The following DNAH11 variants were observed in gnomAD, a reference collection of about 807,000 sequenced individuals.
The protein encoded by DNAH11 is dynein axonemal heavy chain 11.
DNAH11 carries 442 observed loss-of-function variants against 526.0 expected under a neutral mutation model. The ratio of observed to expected loss-of-function variants is 0.84; its 90% confidence interval spans 0.78 to 0.91. DNAH11 has a LOEUF of 0.91. Among genes scored for constraint, DNAH11 ranks in the 40% least tolerant of loss-of-function variants. The pLI, the probability that DNAH11 is intolerant of heterozygous loss-of-function variation, is 0.00. For synonymous variants in DNAH11, 2,461 were observed against 1,935.9 expected (o/e 1.27, Z -7.12); for missense variants, 6,989 against 5,448.7 (o/e 1.28, Z -8.90).
intron 25 of DNAH11, among the ~76,000 whole-genome samples, chr7:21,621,516 C>T (rs1786053283): frequency 6.6e-6 from 1 of 151,932 alleles, no homozygotes; most frequent in Non-Finnish European, 1.5e-5. Context: ...AGAGACACAA[C>T]CAAAAAAGAG....
intron 25 of DNAH11, among the ~76,000 whole-genome samples, chr7:21,631,969 A>G (rs1271343147): frequency 6.6e-6 from 1 of 152,220 alleles, no homozygotes; most frequent in Non-Finnish European, 1.5e-5. Flanking sequence ...CGCTGCAGCA[A>G]ACTTCTGCCT....
chr7:21,747,002 T>C (rs955608518), intron 51 of DNAH11, among the ~76,000 whole-genome samples: 2 of 152,202 alleles, frequency 1.3e-5, no homozygotes, highest in Admixed American at 1.3e-4. Context: ...GGTAAGGCTG[T>C]TTCTTTGATC....
intron 69 of DNAH11, 89 bp from the exon 70 acceptor site, chr7:21,864,446 C>T: frequency 3.7e-6 from 5 of 1,342,338 alleles, no homozygotes; most frequent in Non-Finnish European, 5.1e-6. Context: ...TCTGCCTACT[C>T]AGTCATGTCT....
chr7:21,634,927 A>C (rs181347268), intron 25 of DNAH11, among the ~76,000 whole-genome samples: 1 of 152,356 alleles, frequency 6.6e-6, no homozygotes, highest in East Asian at 1.9e-4. Flanking sequence ...ACCATATTTT[A>C]ATTAAAATAG....
intron 65 of DNAH11, among the ~76,000 whole-genome samples, chr7:21,841,329 T>C (rs946273120): frequency 1.3e-5 from 2 of 152,178 alleles, no homozygotes; most frequent in East Asian, 3.9e-4. Flanking sequence ...CATAAACACA[T>C]ACATACACAT....
At chr7:21,854,499 C>G in intron 68 of DNAH11, 44 bp downstream of exon 68, 1 of 1,569,580 alleles carries the variant, frequency 6.4e-7, no homozygotes, top group Non-Finnish European at 8.7e-7. Flanking sequence ...TTTAGGAGTT[C>G]AATTTGTTTC....
chr7:21,683,075 C>A (rs1002997724), intron 31 of DNAH11, among the ~76,000 whole-genome samples: 1 of 152,052 alleles, frequency 6.6e-6, no homozygotes, highest in Non-Finnish European at 1.5e-5. Context: ...AAAATATGTC[C>A]TTTATTTTGT....
chr7:21,552,713 C>A (rs182857043), intron 2 of DNAH11, among the ~76,000 whole-genome samples: 1 of 152,180 alleles, frequency 6.6e-6, no homozygotes, highest in Non-Finnish European at 1.5e-5. Context: ...CACAGTCCAG[C>A]GGTACCATTA....
intron 76 of DNAH11, among the ~76,000 whole-genome samples, chr7:21,888,275 G>A (rs1016017064): frequency 2.0e-5 from 3 of 152,188 alleles, no homozygotes; most frequent in Non-Finnish European, 2.9e-5. Context: ...AAGGGCAAAT[G>A]CATTTGTTTA....
At chr7:21,860,992 A>T (rs1366061312) in intron 68 of DNAH11, among the ~76,000 whole-genome samples, 2 of 152,202 alleles carry the variant, frequency 1.3e-5, no homozygotes, top group Non-Finnish European at 2.9e-5. Context: ...TGATTCAGTT[A>T]TCTTCCACCA....
At position 21,901,097 on chromosome 7, in the gene DNAH11, C is replaced by T. The variant is rs1247656332; in HGVS notation, c.13394C>T (p.Thr4465Ile). 6.2e-7 allele frequency: 1 copy of T among 1,613,506 alleles called. No individual in the cohort carries two copies. The highest frequency in any genetic ancestry group is 1.3e-5 in the African/African-American group (1 of 74,932). ...CPMPVIFAKA[T>I]PVDRQETKQT... ...ATGCCGGTCATCTTTGCAAAAGCCA[C>T]CCCCGTGGACAGACAAGAAACCAAA... The change falls in exon 82 of 82, where the codon ACC (threonine) becomes ATC (isoleucine). Residue 4465 changes from threonine (T) to isoleucine (I), a missense_variant. Coordinates refer to ENST00000409508, the MANE Select transcript of DNAH11 (RefSeq NM_001277115.2).
Position 21,749,792 on chromosome 7 carries a change from C to T in DNAH11, c.8788C>T (p.Leu2930=), listed in dbSNP as rs1001282723. ...ESFLVLINDL[L]ASGEIPDLFS... ...CTTCCTCGTGCTGATTAATGACTTG[C>T]TGGCATCAGGTGATTAAACCAACAC... The change falls in exon 53 of 82, where the codon CTG becomes TTG. Residue 2930 remains leucine, a synonymous_variant. Transcript: ENST00000409508. 6.2e-7 allele frequency: 1 copy of T among 1,613,868 alleles called. No homozygotes were observed. Among genetic ancestry groups the T allele is most frequent in the Non-Finnish European group, 8.5e-7 (1 of 1,179,800 alleles).
At chr7:21,554,320 C>T (rs889294519) in intron 2 of DNAH11, among the ~76,000 whole-genome samples, 1 of 151,920 alleles carries the variant, frequency 6.6e-6, no homozygotes, top group Non-Finnish European at 1.5e-5. Context: ...ATTACAGGTG[C>T]GTACCACCAT....
chr7:21,559,359 A>G (rs1783351396), intron 3 of DNAH11, among the ~76,000 whole-genome samples: 1 of 152,228 alleles, frequency 6.6e-6, no homozygotes, highest in Non-Finnish European at 1.5e-5. Flanking sequence ...TGCCAGTAAC[A>G]TTATTCCTTT....
intron 51 of DNAH11, among the ~76,000 whole-genome samples, chr7:21,747,451 G>A (rs1786196993): frequency 6.6e-6 from 1 of 152,120 alleles, no homozygotes; most frequent in South Asian, 2.1e-4. Flanking sequence ...CAAAATGATG[G>A]CATCAAATTT....
intron 43 of DNAH11, among the ~76,000 whole-genome samples, chr7:21,719,771 G>A (rs1046593964): frequency 1.3e-5 from 2 of 152,216 alleles, no homozygotes; most frequent in Admixed American, 6.5e-5. Flanking sequence ...CACACACAGT[G>A]CTGACCTGAT....
chr7:21,851,482 C>A, intron 66 of DNAH11: 1 of 462,092 alleles, frequency 2.2e-6, no homozygotes, highest in Admixed American at 2.4e-5. Flanking sequence ...CCCTTGTGGG[C>A]AGGCTTTGGT....
chr7:21,842,365 A>G (rs1668219609), intron 65 of DNAH11, among the ~76,000 whole-genome samples, 179 bp from the exon 66 acceptor site: 1 of 152,142 alleles, frequency 6.6e-6, no homozygotes, highest in Non-Finnish European at 1.5e-5. Context: ...TCATATAGAG[A>G]TTTGCTGGGT....
intron 30 of DNAH11, among the ~76,000 whole-genome samples, chr7:21,668,679 G>A (rs1399590152): frequency 6.6e-6 from 1 of 152,058 alleles, no homozygotes; most frequent in Non-Finnish European, 1.5e-5. Context: ...TTCATTATTT[G>A]TTATTGCTTA....
Sources: allele counts gnomAD v4.1 joint callset (sites outside exome capture counted in the v4.1 genomes callset), GRCh38; gene constraint gnomAD v4.1.1; transcripts MANE v1.5; gene names NCBI Gene and HGNC (gene_info 2026-07-23, HGNC 2026-07-21).